PCNX2: variants seen among roughly 807,000 people sequenced by gnomAD.
PCNX2 encodes the protein pecanex-like protein 2.
PCNX2 carries 168 observed loss-of-function variants against 223.8 expected under a neutral mutation model. The ratio of observed to expected loss-of-function variants is 0.75; its 90% CI spans 0.66 to 0.85. The LOEUF (loss-of-function observed/expected upper bound fraction) is 0.85, where lower values mean the gene tolerates loss of function less well. PCNX2 is among the 40% of genes least tolerant of loss of function. PCNX2 has a pLI of 0.00. For missense variants in PCNX2, 2,507 were observed against 2,675.5 expected, an observed-to-expected ratio of 0.94 and a Z score of 1.39; for synonymous variants, 1,006 against 1,052.6, an observed-to-expected ratio of 0.96 and a Z score of 0.86.
chr1:233,112,733 TA>T, intron 21 of PCNX2: 1 of 758,368 alleles, frequency 1.3e-6, no homozygotes, highest in Non-Finnish European at 1.6e-6. Context: ...TAAATTCACA[TA>T]TTTATTATAG....
intron 23 of PCNX2, among the ~76,000 whole-genome samples, chr1:233,088,980 T>G (rs1229884509): frequency 1.3e-5 from 2 of 152,214 alleles, no homozygotes; most frequent in African/African-American, 4.8e-5. Context: ...AGGCCTGAAA[T>G]TATCAGTGTT....
Position 232,986,090 on chromosome 1 carries a change from A to G in PCNX2, c.6240+2T>C. 1 of 1,557,300 alleles carries G rather than the reference A, an allele frequency of 6.4e-7. No homozygotes were observed. Among genetic ancestry groups the G allele is most frequent in the African/African-American group, 1.4e-5 (1 of 73,656 alleles). On this transcript the variant is annotated splice_donor_variant, in intron 33 of 33. Transcript: ENST00000258229. LOFTEE classifies it high-confidence loss of function. ...CCTGGTGAGCCCTGCCCAGCCCCTT[A>G]CCCGAGTGGCCTGGCTGGCAGCCCT...
At chr1:233,299,342 C>CTA (rs967050702), upstream of PCNX2, among the ~76,000 whole-genome samples, 5 of 83,112 alleles carry the variant, frequency 6.0e-5, no homozygotes, top group Non-Finnish European at 1.4e-4. Context: ...CTCAGAATTT[C>CTA]TCTCGAACTA....
chr1:233,104,482 G>A (rs1191660933), intron 21 of PCNX2, among the ~76,000 whole-genome samples: 1 of 152,148 alleles, frequency 6.6e-6, no homozygotes. Context: ...TAATTGAAAT[G>A]TATACACTTA....
At chr1:233,106,969 T>C (rs557943024) in intron 21 of PCNX2, among the ~76,000 whole-genome samples, 3 of 152,246 alleles carry the variant, frequency 2.0e-5, no homozygotes, top group Admixed American at 6.5e-5. Flanking sequence ...AGCTTTCTCT[T>C]GTAAACACTG....
intron 10 of PCNX2, among the ~76,000 whole-genome samples, chr1:233,226,400 G>C (rs1657722421): frequency 6.6e-6 from 1 of 152,168 alleles, no homozygotes; most frequent in African/African-American, 2.4e-5. Context: ...CTCCTGAGTA[G>C]CTGGAACTAC....
upstream of PCNX2, among the ~76,000 whole-genome samples, chr1:233,299,590 A>G (rs1258468421): frequency 1.3e-5 from 2 of 152,214 alleles, no homozygotes; most frequent in Non-Finnish European, 2.9e-5. Context: ...GTTGGCGGCA[A>G]GAGATAGATC....
chr1:233,085,825 C>A (rs1673573143), intron 23 of PCNX2, among the ~76,000 whole-genome samples: 1 of 152,116 alleles, frequency 6.6e-6, no homozygotes, highest in Non-Finnish European at 1.5e-5. Context: ...TCCAGTTAGT[C>A]CCCAGCAGTT....
At chr1:233,215,235 A>T (rs1275543330) in intron 12 of PCNX2, among the ~76,000 whole-genome samples, 2 of 152,254 alleles carry the variant, frequency 1.3e-5, no homozygotes, top group East Asian at 3.9e-4. Context: ...CACATGGTTC[A>T]GTCAGATTGC....
At chr1:233,233,212 G>C (rs1658174521) in intron 9 of PCNX2, among the ~76,000 whole-genome samples, 1 of 152,178 alleles carries the variant, frequency 6.6e-6, no homozygotes, top group Non-Finnish European at 1.5e-5. Flanking sequence ...AGAAGCACAT[G>C]ATGGATAAAC....
intron 28 of PCNX2, among the ~76,000 whole-genome samples, chr1:233,014,088 CA>C (rs1378281830): frequency 6.6e-6 from 1 of 152,210 alleles, no homozygotes; most frequent in African/African-American, 2.4e-5. Flanking sequence ...CCGAGTGACA[CA>C]GGGTGCCAAA....
At chr1:233,197,901 TTAA>T (rs1473383985) in intron 15 of PCNX2, among the ~76,000 whole-genome samples, 1 of 152,218 alleles carries the variant, frequency 6.6e-6, no homozygotes, top group African/African-American at 2.4e-5. Flanking sequence ...TCTTTTACAT[TTAA>T]TTTTTGTTTT....
chr1:232,997,440 G>C (rs145412214), intron 32 of PCNX2, among the ~76,000 whole-genome samples: 1 of 152,374 alleles, frequency 6.6e-6, no homozygotes, highest in East Asian at 1.9e-4. Context: ...AGCATGCACA[G>C]AGGCACTTAT....
At position 233,017,276 on chromosome 1, in the gene PCNX2, G is replaced by A. The variant is rs570821407; in HGVS notation, c.4606-122C>T. On this transcript the variant is annotated intron_variant, in intron 26 of 33. Coordinates refer to ENST00000258229, the MANE Select transcript of PCNX2 (RefSeq NM_014801.4). ...GTATCATTTGTATGTTCTGCTGGGT[G>A]TAATGCACAGAACTCATTTGAGACA... The A allele has an allele frequency of 4.0e-5, 19 of 469,482 alleles. No homozygotes were observed. The South Asian group carries it at 4.8e-4, about 12-fold the overall frequency. The allele number at this position is 469,482 out of a possible 1,614,324, so 29.1% of individuals were successfully genotyped here.
At chr1:233,288,094 T>A (rs561001668) in intron 1 of PCNX2, among the ~76,000 whole-genome samples, 19 of 152,074 alleles carry the variant, frequency 1.2e-4, no homozygotes, top group Non-Finnish European at 2.8e-4. Flanking sequence ...GCAGAGGACA[T>A]AGGAAGGAGA....
chr1:233,110,445 A>G (rs1235648224), intron 21 of PCNX2, among the ~76,000 whole-genome samples: 1 of 152,204 alleles, frequency 6.6e-6, no homozygotes, highest in Non-Finnish European at 1.5e-5. Flanking sequence ...ATATCTTTCA[A>G]AAATATAAGA....
chr1:233,013,355 G>A (rs142656267), intron 28 of PCNX2, among the ~76,000 whole-genome samples: 1 of 152,152 alleles, frequency 6.6e-6, no homozygotes, highest in Admixed American at 6.5e-5. Flanking sequence ...GAAAAGCGCT[G>A]CCAGCCACAC....
intron 1 of PCNX2, among the ~76,000 whole-genome samples, chr1:233,270,152 G>C (rs12126762): frequency 0.099 from 15,073 of 151,996 alleles, 914 homozygotes; most frequent in South Asian, 0.19. Context: ...ATTTAAGTAA[G>C]TTATAATTCC....
At chr1:233,064,057 T>C (rs1432060013) in intron 23 of PCNX2, among the ~76,000 whole-genome samples, 1 of 152,188 alleles carries the variant, frequency 6.6e-6, no homozygotes, top group Non-Finnish European at 1.5e-5. Flanking sequence ...TATATGATTA[T>C]TTCTTTACTT....
Sources: gnomAD v4.1 joint callset for allele counts (sites outside exome capture counted in the v4.1 genomes callset) on GRCh38, gnomAD v4.1.1 for gene constraint, MANE v1.5 for transcripts, NCBI Gene and HGNC (gene_info 2026-07-23, HGNC 2026-07-21) for gene names.